Variants in PLEKHA7 observed in about 807,000 individuals in gnomAD.
PLEKHA7 encodes pleckstrin homology domain-containing family A member 7.
Under a neutral mutation model 170.0 loss-of-function variants are expected in PLEKHA7, and 104 were observed. The observed-to-expected ratio is 0.61, with a 90% CI of 0.52 to 0.72. The LOEUF (loss-of-function observed/expected upper bound fraction) is 0.72. Ranked by LOEUF, PLEKHA7 falls within the 30% of genes least tolerant of loss-of-function variation. The pLI is 0.00. For synonymous variants in PLEKHA7, 648 were observed against 660.8 expected (o/e 0.98, Z 0.30); for missense variants, 1,615 against 1,671.7 (o/e 0.97, Z 0.59).
chr11:16,783,889 C>G, intron 24 of PLEKHA7, 56 bp from the exon 25 acceptor site: 1 of 1,354,342 alleles, frequency 7.4e-7, no homozygotes. Context: ...GGGTTTAGGA[C>G]TCGCTTTCCC....
chr11:16,991,778 C>A (rs1006568186), intron 3 of PLEKHA7, among the ~76,000 whole-genome samples: 4 of 152,118 alleles, frequency 2.6e-5, no homozygotes, highest in Non-Finnish European at 4.4e-5. Flanking sequence ...GGTGCCATGA[C>A]CCAACTTCCA....
chr11:17,013,535 C>T (rs1452632515), intron 3 of PLEKHA7, among the ~76,000 whole-genome samples: 1 of 152,142 alleles, frequency 6.6e-6, no homozygotes, highest in Non-Finnish European at 1.5e-5. Flanking sequence ...GGGCGTCCTC[C>T]TAAGCGAGAT....
At chr11:16,858,703 G>A (rs1853683735) in intron 4 of PLEKHA7, among the ~76,000 whole-genome samples, 1 of 152,054 alleles carries the variant, frequency 6.6e-6, no homozygotes. Context: ...TGTTGGTCAG[G>A]CTGGTCTCGA....
intron 3 of PLEKHA7, among the ~76,000 whole-genome samples, chr11:16,890,903 T>G (rs1008175983): frequency 5.3e-5 from 8 of 152,124 alleles, no homozygotes; most frequent in Non-Finnish European, 2.9e-5. Context: ...TTTTTTTTCT[T>G]TTTTCAAATG....
At chr11:16,834,147 A>G (rs1163240801) in intron 9 of PLEKHA7, among the ~76,000 whole-genome samples, 2 of 150,990 alleles carry the variant, frequency 1.3e-5, no homozygotes, top group Admixed American at 6.6e-5. Flanking sequence ...AGTAGCTGGG[A>G]TTACAGGCAT....
chr11:16,880,214 A>G (rs1179949834), intron 3 of PLEKHA7, among the ~76,000 whole-genome samples: 1 of 152,186 alleles, frequency 6.6e-6, no homozygotes, highest in Non-Finnish European at 1.5e-5. Flanking sequence ...TGGGGGGTGC[A>G]GGTAGGTTCT....
chr11:16,975,955 G>A (rs1863035002), intron 3 of PLEKHA7, among the ~76,000 whole-genome samples: 1 of 152,346 alleles, frequency 6.6e-6, no homozygotes. Context: ...ATCATTCAGA[G>A]GCTCAGCATA....
intron 4 of PLEKHA7, among the ~76,000 whole-genome samples, chr11:16,869,159 C>T (rs1359442279): frequency 1.3e-5 from 2 of 152,170 alleles, no homozygotes; most frequent in African/African-American, 4.8e-5. Flanking sequence ...CACAGCAGTT[C>T]TTTATCAATC....
intron 3 of PLEKHA7, among the ~76,000 whole-genome samples, chr11:16,998,814 T>G (rs1041561597): frequency 1.1e-4 from 16 of 151,278 alleles, no homozygotes; most frequent in African/African-American, 3.9e-4. Context: ...CAACCATATT[T>G]TTTTAAATCC....
chr11:16,909,191 A>C (rs1858075640), intron 3 of PLEKHA7, among the ~76,000 whole-genome samples: 1 of 152,214 alleles, frequency 6.6e-6, no homozygotes, highest in Non-Finnish European at 1.5e-5. Flanking sequence ...ACTAATAATT[A>C]ATATTAGTAG....
chr11:16,948,984 G>C (rs1028061633), intron 3 of PLEKHA7, among the ~76,000 whole-genome samples: 1 of 152,126 alleles, frequency 6.6e-6, no homozygotes, highest in African/African-American at 2.4e-5. Flanking sequence ...TTTAAGATGT[G>C]AATCTTTCTT....
intron 13 of PLEKHA7, among the ~76,000 whole-genome samples, chr11:16,804,892 G>A (rs915446397): frequency 2.0e-5 from 3 of 152,152 alleles, no homozygotes; most frequent in Admixed American, 1.3e-4. Context: ...TGCAATGCGG[G>A]GGGGGCGGTG....
chr11:16,897,435 A>G (rs1395805732), intron 3 of PLEKHA7, among the ~76,000 whole-genome samples: 2 of 152,168 alleles, frequency 1.3e-5, no homozygotes, highest in African/African-American at 4.8e-5. Context: ...AAAGCCAGCA[A>G]AAGAGCCTAC....
intron 3 of PLEKHA7, among the ~76,000 whole-genome samples, chr11:16,924,969 C>T (rs1859398107): frequency 6.6e-6 from 1 of 152,222 alleles, no homozygotes; most frequent in Non-Finnish European, 1.5e-5. Flanking sequence ...GAAGGTGTGT[C>T]TGAAACCAGA....
rs542594356 is a variant in PLEKHA7, at chr11:16,982,200, C to G, written c.221+31789G>C. Among the ~76,000 whole-genome samples, 3 of 152,378 alleles carry G rather than the reference C, an allele frequency of 2.0e-5. No individual in the cohort carries two copies. In the East Asian group the frequency reaches 5.8e-4, roughly 29 times the overall value. ...GGGGCATAAAGAAACTGTTAATGCC[C>G]TGGAAGGGCCCCAAGCCCCTTTACA... On this transcript the variant is annotated intron_variant, in intron 3 of 26. Transcript: ENST00000531066.
At chr11:16,849,858 T>TCTG (rs771324226) in intron 8 of PLEKHA7, among the ~76,000 whole-genome samples, 2 of 152,118 alleles carry the variant, frequency 1.3e-5, no homozygotes, top group Non-Finnish European at 2.9e-5. Flanking sequence ...CCATAGCAAT[T>TCTG]CTGGAGTGAC....
chr11:16,861,432 C>T (rs1590374014), intron 4 of PLEKHA7, among the ~76,000 whole-genome samples: 2 of 151,810 alleles, frequency 1.3e-5, no homozygotes, highest in Admixed American at 6.6e-5. Context: ...GCAAGCGGAT[C>T]GCTTGAGCTA....
intron 4 of PLEKHA7, among the ~76,000 whole-genome samples, chr11:16,863,582 G>A (rs751349542): frequency 1.3e-5 from 2 of 152,154 alleles, no homozygotes; most frequent in South Asian, 2.1e-4. Context: ...CCTGGGGATC[G>A]GTGTACACAG....
intron 3 of PLEKHA7, among the ~76,000 whole-genome samples, chr11:16,886,845 G>A (rs1022592101): frequency 1.3e-5 from 2 of 151,706 alleles, no homozygotes; most frequent in Non-Finnish European, 2.9e-5. Context: ...GAGCCAACTA[G>A]ATGCCAATCC....
Sources: gnomAD v4.1 joint callset for allele counts (sites outside exome capture counted in the v4.1 genomes callset) on GRCh38, gnomAD v4.1.1 for gene constraint, MANE v1.5 for transcripts, NCBI Gene and HGNC (gene_info 2026-07-23, HGNC 2026-07-21) for gene names.